The following SCAF4 variants were observed in gnomAD, a reference collection of about 807,000 sequenced individuals.
SCAF4 encodes the protein SR-related CTD associated factor 4.
A neutral mutation model predicts 129.8 loss-of-function variants in SCAF4; 25 were observed. The ratio of observed to expected loss-of-function variants is 0.19; its 90% CI spans 0.14 to 0.27. The LOEUF is 0.27. SCAF4 is among the 10% of genes least tolerant of loss of function. SCAF4 has a pLI of 1.00. For missense variants in SCAF4, 1,246 were observed against 1,457.1 expected, an observed-to-expected ratio of 0.86 and a Z score of 2.36; for synonymous variants, 551 against 497.7, an observed-to-expected ratio of 1.11 and a Z score of -1.43.
chr21:31,672,164 T>C lies in SCAF4; in HGVS notation c.2679A>G (p.Gly893=). The change falls in exon 20 of 20, where the codon GGA becomes GGG. Residue 893 remains glycine, a synonymous_variant. Transcript: ENST00000286835. The part of the protein sequence containing the change: ...PHMMHRGPPP[G]PGGFAMPPPH... ...GTGGAGGCATCGCAAAGCCCCCTGG[T>C]CCTGGCGGTGGGCCTCTGTGCATCA... 2 of 1,604,700 alleles carry C rather than the reference T, an allele frequency of 1.2e-6. No homozygotes were observed. The highest frequency in any genetic ancestry group is 1.7e-6 in the Non-Finnish European group (2 of 1,173,526).
chr21:31,671,655 G>C lies in SCAF4; in HGVS notation c.3188C>G (p.Ser1063Cys), dbSNP rs759942580. Reference sequence around the variant, plus strand: ...CTCTCTACGAGACTCTCTATCTCTAGAATCTCTCTCTCTGTCTCGATGCCC... The same window carrying C: ...CTCTCTACGAGACTCTCTATCTCTACAATCTCTCTCTCTGTCTCGATGCCC... ...SSGHRDRERD[S>C]RDRESRREKE... is the part of the protein sequence containing the mutation. The change falls in exon 20 of 20, where the codon TCT becomes TGT. Residue 1063 changes from serine to cysteine, a missense_variant. Ser to Cys is a moderately radical substitution (Grantham distance 112, BLOSUM62 -1). Coordinates refer to ENST00000286835, the MANE Select transcript of SCAF4 (RefSeq NM_020706.2). 3.7e-6 allele frequency: 6 copies of C among 1,613,844 alleles called. No homozygotes were observed. The South Asian group carries it at 5.5e-5, about 15-fold the overall frequency.
chr21:31,717,888 CAT>C (rs1175779790), intron 1 of SCAF4, among the ~76,000 whole-genome samples: 156 of 114,472 alleles, frequency 1.4e-3, no homozygotes, highest in African/African-American at 4.9e-3. Context: ...CATATATACA[CAT>C]ATATACACAT....
intron 19 of SCAF4, among the ~76,000 whole-genome samples, chr21:31,683,311 C>T (rs1031209323): frequency 1.3e-5 from 2 of 152,188 alleles, no homozygotes; most frequent in African/African-American, 4.8e-5. Flanking sequence ...CTAGCCATGC[C>T]TAGCTTACTA....
At chr21:31,726,966 G>T (rs1355415196) in intron 1 of SCAF4, among the ~76,000 whole-genome samples, 1 of 152,010 alleles carries the variant, frequency 6.6e-6, no homozygotes, top group Non-Finnish European at 1.5e-5. Context: ...AGGAGGGTTG[G>T]GGTTGGAGTG....
chr21:31,690,919 T>C lies in SCAF4; in HGVS notation c.1763A>G (p.Asp588Gly). The C allele has an allele frequency of 1.9e-6, 3 of 1,613,098 alleles. No individual in the cohort carries two copies. The highest frequency in any genetic ancestry group is 1.1e-5 in the South Asian group (1 of 90,750). ...AWALNKGIKA[D>G]YKQYWDVELG... ...TTCTACATCCCAATACTGCTTATAA[T>C]CTGCCTTTATTCCTTTGTTTAAGGC... The change falls in exon 15 of 20, where the codon GAT becomes GGT. Residue 588 changes from aspartate (D) to glycine (G), a missense_variant. Physicochemically the swap from Asp to Gly is moderately conservative, Grantham distance 94 (BLOSUM62 -1). Transcript: ENST00000286835.
chr21:31,686,750 T>C (rs751993860), intron 16 of SCAF4, among the ~76,000 whole-genome samples: 15 of 152,190 alleles, frequency 9.9e-5, no homozygotes, highest in Non-Finnish European at 1.9e-4. Context: ...TAGATTGTCA[T>C]AGGAGCATGA....
Position 31,731,739 on chromosome 21 carries a change from C to A in SCAF4, c.-47G>T, listed in dbSNP as rs775809061. ...GCTCCGGGCCCGCCGGTCACATAGA[C>A]CTCGCGCCGCGGCGGAGCGGGGCTG... On this transcript the variant is annotated 5_prime_UTR_variant, in exon 1 of 20. Coordinates refer to ENST00000286835, the MANE Select transcript of SCAF4 (RefSeq NM_020706.2). 3.9e-6 allele frequency: 6 copies of A among 1,555,718 alleles called. No homozygotes were observed. In the East Asian group the frequency reaches 1.6e-4, roughly 40 times the overall value.
At chr21:31,696,246 A>C in intron 8 of SCAF4, 25 bp from the exon 9 acceptor site, 1 of 1,567,082 alleles carries the variant, frequency 6.4e-7, no homozygotes, top group Non-Finnish European at 8.8e-7. Flanking sequence ...ATAATCTTTT[A>C]CCCATTCAAA....
At chr21:31,713,758 G>GA (rs1179445693) in intron 1 of SCAF4, among the ~76,000 whole-genome samples, 12 of 151,166 alleles carry the variant, frequency 7.9e-5, no homozygotes, top group African/African-American at 2.9e-4. Flanking sequence ...GGGTGGGGTG[G>GA]GGGGGGCAGG....
intron 1 of SCAF4, among the ~76,000 whole-genome samples, chr21:31,730,472 C>T (rs932258402): frequency 2.0e-5 from 3 of 152,108 alleles, no homozygotes; most frequent in Non-Finnish European, 4.4e-5. Flanking sequence ...ATTGGAAAGT[C>T]CCATATATTA....
chr21:31,721,065 T>C (rs548728614), intron 1 of SCAF4, among the ~76,000 whole-genome samples: 32 of 152,226 alleles, frequency 2.1e-4, no homozygotes, highest in Middle Eastern at 6.8e-3. Context: ...TATTCAAGAG[T>C]TGTGCACCCA....
Position 31,675,067 on chromosome 21 carries a change from T to C in SCAF4, c.2489-2713A>G, listed in dbSNP as rs76214021. Among the ~76,000 whole-genome samples, 150 of 152,254 alleles carry C rather than the reference T, an allele frequency of 9.9e-4. 3 individuals are homozygous for C. The East Asian group carries it at 0.021, about 21-fold the overall frequency. On this transcript the variant is annotated intron_variant, in intron 19 of 19. Transcript: ENST00000286835. ...AGGAAGGACGTTACTATCAAGACAT[T>C]ACTAGCAGCTTTTGAAAAGGCATAT... is the stretch of plus-strand genomic sequence containing the variant.
intron 16 of SCAF4, among the ~76,000 whole-genome samples, chr21:31,686,147 G>A (rs1182749126): frequency 1.3e-5 from 2 of 148,226 alleles, no homozygotes. Context: ...AGGTTGCAGT[G>A]AGCCGAGATT....
At chr21:31,700,806 T>C (rs1470313073) in intron 7 of SCAF4, 189 bp downstream of exon 7, 2 of 572,054 alleles carry the variant, frequency 3.5e-6, no homozygotes, top group South Asian at 5.3e-5. Context: ...CCCTGGAAAT[T>C]TTTGCACTGA....
At chr21:31,680,133 G>C (rs1394609846) in intron 19 of SCAF4, among the ~76,000 whole-genome samples, 2 of 152,168 alleles carry the variant, frequency 1.3e-5, no homozygotes, top group South Asian at 2.1e-4. Flanking sequence ...GTCCCTCAGA[G>C]AGATTTACAT....
chr21:31,674,435 G>C (rs1340540039), intron 19 of SCAF4, among the ~76,000 whole-genome samples: 1 of 152,180 alleles, frequency 6.6e-6, no homozygotes, highest in African/African-American at 2.4e-5. Context: ...GATGTGGCCA[G>C]CTGGGTTTCC....
chr21:31,685,899 A>C (rs984341273), intron 16 of SCAF4, among the ~76,000 whole-genome samples, 166 bp from the exon 17 acceptor site: 1 of 152,178 alleles, frequency 6.6e-6, no homozygotes, highest in Non-Finnish European at 1.5e-5. Context: ...ATTCATACCA[A>C]CTGATAGAAA....
chr21:31,696,677 G>A lies in SCAF4; in HGVS notation c.851C>T (p.Ala284Val). The change falls in exon 8 of 20, where the codon GCC becomes GTC. Residue 284 changes from alanine (A) to valine (V), a missense_variant. By Grantham distance (64) the Ala-to-Val change is moderately conservative. Coordinates refer to ENST00000286835, the MANE Select transcript of SCAF4 (RefSeq NM_020706.2). The stretch of plus-strand genomic sequence containing the variant: ...GGCAGCAGGTGCTGTCGTGGTGACG[G>A]CAGTGGTATCCTCTTTCTTTGATTC... Reference protein sequence around the residue: ...VEESKKEDTTAVTTTAPAAAV... With the variant: ...VEESKKEDTTVVTTTAPAAAV... 1.9e-6 allele frequency: 3 copies of A among 1,613,926 alleles called. No homozygotes were observed. The highest frequency in any genetic ancestry group is 2.5e-6 in the Non-Finnish European group (3 of 1,179,846).
chr21:31,682,163 G>A (rs535035996), intron 19 of SCAF4, among the ~76,000 whole-genome samples: 5 of 152,162 alleles, frequency 3.3e-5, no homozygotes, highest in Admixed American at 1.3e-4. Flanking sequence ...GGTGGCTCAC[G>A]AGGTCAAGAG....
Sources: allele counts gnomAD v4.1 joint callset (sites outside exome capture counted in the v4.1 genomes callset), GRCh38; gene constraint gnomAD v4.1.1; transcripts MANE v1.5; gene names NCBI Gene and HGNC (gene_info 2026-07-23, HGNC 2026-07-21).